RBBP4: variants seen among roughly 807,000 people sequenced by gnomAD.
RBBP4 encodes RB binding protein 4, chromatin remodeling factor.
RBBP4 carries 3 observed loss-of-function variants against 57.2 expected under a neutral mutation model. The ratio of observed to expected loss-of-function variants is 0.05; its 90% CI spans 0.02 to 0.14. RBBP4 has a LOEUF of 0.14. Among genes scored for constraint, RBBP4 ranks in the 10% least tolerant of loss-of-function variants. The probability of loss-of-function intolerance (pLI) is 1.00; values close to 1 mark genes in which losing one functional copy is unlikely to be tolerated. For synonymous variants in RBBP4, 151 were observed against 171.5 expected (o/e 0.88, Z 0.93); for missense variants, 107 against 520.6 (o/e 0.21, Z 7.73).
In RBBP4 at chr1:32,685,977, C is replaced by T. The variant is rs1341164768; in HGVS notation, c.*6272C>T. 1.3e-5 allele frequency: 2 copies of T among 152,186 alleles called. No individual in the cohort carries two copies. Among genetic ancestry groups the T allele is most frequent in the African/African-American group, 2.4e-5 (1 of 41,456 alleles). The allele number at this position is 152,186 out of a possible 1,614,324, so 9.4% of individuals were successfully genotyped here. ...TGACCCCTACCTCCAACTTGAACCT[C>T]TGTTACTCTTCCGTATGAACATTTT... On this transcript the variant is annotated 3_prime_UTR_variant, in exon 12 of 12. Transcript: ENST00000373493.
chr1:32,668,336 C>G lies in RBBP4; in HGVS notation c.422C>G (p.Ala141Gly). 6.2e-7 allele frequency: 1 copy of G among 1,609,690 alleles called. No individual in the cohort carries two copies. The highest frequency in any genetic ancestry group is 8.5e-7 in the Non-Finnish European group (1 of 1,176,028). Residue 141 changes from alanine (A) to glycine (G), a missense_variant, in exon 4 of 12, where the codon GCA becomes GGA. Coordinates refer to ENST00000373493, the MANE Select transcript of RBBP4 (RefSeq NM_005610.3). ...ATGCCCCAGAACCCTTGTATCATCG[C>G]AACAAAGACTCCTTCCAGTGATGTT... ...RYMPQNPCIIATKTPSSDVLV... is the reference protein window; with the variant it reads ...RYMPQNPCIIGTKTPSSDVLV...
Position 32,668,725 on chromosome 1 carries a change from C to T in RBBP4, c.485-14C>T. ...AGTGGACTGGGTAGTCTTGATGTGT[C>T]TGTCACTTTGCAGATCCTTCTGGAG... On this transcript the variant is annotated splice_polypyrimidine_tract_variant and intron_variant, in intron 4 of 11. Transcript: ENST00000373493. 6.2e-7 allele frequency: 1 copy of T among 1,603,834 alleles called. No individual in the cohort carries two copies.
chr1:32,662,901 T>A (rs1648486737), intron 3 of RBBP4, among the ~76,000 whole-genome samples: 1 of 151,944 alleles, frequency 6.6e-6, no homozygotes, highest in African/African-American at 2.4e-5. Context: ...GTAGAATCGC[T>A]TGAACCCAGG....
In RBBP4 at chr1:32,680,585, G is replaced by T. The variant is rs1397402834; in HGVS notation, c.*880G>T. ...CCATTTTGGGTGACCTGTTTCACCA[G>T]CAGGCCTGTTACTCTCCATGACTAA... On this transcript the variant is annotated 3_prime_UTR_variant, in exon 12 of 12. Coordinates refer to ENST00000373493, the MANE Select transcript of RBBP4 (RefSeq NM_005610.3). 2 of 1,482,446 alleles carry T rather than the reference G, an allele frequency of 1.3e-6. No individual in the cohort carries two copies. The highest frequency in any genetic ancestry group is 4.0e-5 in the Admixed American group (2 of 49,836). 91.8% of individuals were successfully genotyped at this position (1,482,446 alleles called of 1,614,324 possible). A position where few individuals can be genotyped will look rare whatever the true frequency, so the allele number is the denominator to read the frequency against.
In RBBP4 at chr1:32,668,329, A is replaced by G. The variant is rs200440779; in HGVS notation, c.415A>G (p.Ile139Val). Residue 139 changes from isoleucine (I) to valine (V), a missense_variant, in exon 4 of 12, where the codon ATC becomes GTC. Ile to Val is a conservative substitution (Grantham distance 29). This residue lies in a region of RBBP4 where 92 missense variants were observed against 408.5 expected (regional missense o/e 0.23). Transcript: ENST00000373493. Reference sequence around the variant, plus strand: ...CCGTTATATGCCCCAGAACCCTTGTATCATCGCAACAAAGACTCCTTCCAG... The same window carrying G: ...CCGTTATATGCCCCAGAACCCTTGTGTCATCGCAACAAAGACTCCTTCCAG... The part of the protein sequence containing the change: ...RARYMPQNPC[I>V]IATKTPSSDV... 28 of 1,610,138 alleles carry G rather than the reference A, an allele frequency of 1.7e-5. No individual in the cohort carries two copies. Among genetic ancestry groups the G allele is most frequent in the Non-Finnish European group, 2.0e-5 (23 of 1,176,376 alleles).
chr1:32,668,280 C>T lies in RBBP4; in HGVS notation c.366C>T (p.Asn122=). 6.2e-7 allele frequency: 1 copy of T among 1,612,786 alleles called. No homozygotes were observed. Among genetic ancestry groups the T allele is most frequent in the Non-Finnish European group, 8.5e-7 (1 of 1,179,038 alleles). Reference sequence around the variant, plus strand: ...AAATTGAAATAGAAATCAAGATCAACCATGAAGGAGAAGTAAACAGGGCCC... The same window carrying T: ...AAATTGAAATAGAAATCAAGATCAATCATGAAGGAGAAGTAAACAGGGCCC... The part of the protein sequence containing the change: ...SGKIEIEIKI[N]HEGEVNRARY... The change falls in exon 4 of 12, where the codon AAC becomes AAT. Residue 122 remains asparagine (N), a synonymous_variant. Transcript: ENST00000373493.
At chr1:32,662,222 A>C (rs970796584) in intron 3 of RBBP4, 2 of 340,978 alleles carry the variant, frequency 5.9e-6, no homozygotes, top group African/African-American at 4.5e-5. Flanking sequence ...TTTTTTTAAC[A>C]AACAGTCTCT....
Position 32,657,407 on chromosome 1 carries a change from A to G in RBBP4, c.165-20A>G, listed in dbSNP as rs1277621111. 1 of 1,606,234 alleles carries G rather than the reference A, an allele frequency of 6.2e-7. No individual in the cohort carries two copies. Among genetic ancestry groups the G allele is most frequent in the Non-Finnish European group, 8.5e-7 (1 of 1,175,754 alleles). On this transcript the variant is annotated intron_variant, in intron 2 of 11. Transcript: ENST00000373493. Reference sequence around the variant, plus strand: ...CCTGATGTTACTAATTTGAACAGTGACTATATATTGCCGTTACAGACCAGA... The same window carrying G: ...CCTGATGTTACTAATTTGAACAGTGGCTATATATTGCCGTTACAGACCAGA...
rs1358889106 is a variant in RBBP4 at position 32,680,576 on chromosome 1, G to C, written c.*871G>C. ...ATGCCATCTCCATTTTGGGTGACCT[G>C]TTTCACCAGCAGGCCTGTTACTCTC... On this transcript the variant is annotated 3_prime_UTR_variant, in exon 12 of 12. Coordinates refer to ENST00000373493, the MANE Select transcript of RBBP4 (RefSeq NM_005610.3). 6.6e-7 allele frequency: 1 copy of C among 1,512,508 alleles called. No individual in the cohort carries two copies. The highest frequency in any genetic ancestry group is 9.0e-7 in the Non-Finnish European group (1 of 1,115,264). The allele number at this position is 1,512,508 out of a possible 1,614,324, so 93.7% of individuals were successfully genotyped here.
In RBBP4 at chr1:32,682,083, T is replaced by C. The variant is rs1357945991; in HGVS notation, c.*2378T>C. On this transcript the variant is annotated 3_prime_UTR_variant, in exon 12 of 12. Transcript: ENST00000373493. ...CTGCTAGGTTAACTTCTTACAGGTATAATTACAATGCCTGAAATTCTGTAG... is the reference window on the plus strand; with the variant it reads ...CTGCTAGGTTAACTTCTTACAGGTACAATTACAATGCCTGAAATTCTGTAG... The C allele has an allele frequency of 3.8e-6, 2 of 529,510 alleles. No homozygotes were observed. The highest frequency in any genetic ancestry group is 5.1e-4 in the Middle Eastern group (1 of 1,966). The allele number at this position is 529,510 out of a possible 1,614,324, so 32.8% of individuals were successfully genotyped here.
chr1:32,679,530 C>G (rs1258345224), intron 11 of RBBP4, 110 bp from the exon 12 acceptor site: 4 of 967,232 alleles, frequency 4.1e-6, no homozygotes, highest in Non-Finnish European at 5.9e-6. Flanking sequence ...TTGTGTGGCC[C>G]AAAAGCTATA....
intron 3 of RBBP4, 85 bp downstream of exon 3, chr1:32,657,657 A>G: frequency 6.9e-7 from 1 of 1,446,784 alleles, no homozygotes; most frequent in Non-Finnish European, 9.4e-7. Context: ...CTGACTTTAG[A>G]AACAATATTT....
chr1:32,667,788 G>C (rs1401444801), intron 3 of RBBP4, among the ~76,000 whole-genome samples: 7 of 152,036 alleles, frequency 4.6e-5, no homozygotes, highest in African/African-American at 1.7e-4. Flanking sequence ...GATACAGCAT[G>C]GCATAATGTT....
At chr1:32,651,582 G>C (rs1327781959) in intron 1 of RBBP4, 2 of 1,009,982 alleles carry the variant, frequency 2.0e-6, no homozygotes, top group Non-Finnish European at 2.7e-6. Flanking sequence ...TCGGTTTCTC[G>C]GCCTCTGTCC....
chr1:32,655,956 G>C (rs1260793232), intron 2 of RBBP4, among the ~76,000 whole-genome samples: 1 of 152,104 alleles, frequency 6.6e-6, no homozygotes, highest in African/African-American at 2.4e-5. Flanking sequence ...AATGGGTCTG[G>C]AGTAGATGTG....
intron 8 of RBBP4, among the ~76,000 whole-genome samples, chr1:32,671,635 G>C (rs1648880048): frequency 6.6e-6 from 1 of 151,644 alleles, no homozygotes; most frequent in Non-Finnish European, 1.5e-5. Flanking sequence ...GAGGCAGCGA[G>C]ATCCCTTGAG....
In RBBP4 at chr1:32,683,735, C is replaced by T. The variant is rs544730096; in HGVS notation, c.*4030C>T. The T allele has an allele frequency of 5.4e-4, 182 of 338,934 alleles. 2 individuals are homozygous for T. Among genetic ancestry groups the T allele is most frequent in the African/African-American group, 3.4e-3 (158 of 46,822 alleles). The allele number at this position is 338,934 out of a possible 1,614,324, so 21.0% of individuals were successfully genotyped here. ...TGCAACCTCTGCCTCCTGGTTCAAG[C>T]GATTCTCCTGCCTTGGCCTCCTGAG... On this transcript the variant is annotated 3_prime_UTR_variant, in exon 12 of 12. Coordinates refer to ENST00000373493, the MANE Select transcript of RBBP4 (RefSeq NM_005610.3).
At chr1:32,653,268 G>A (rs945877226) in intron 2 of RBBP4, among the ~76,000 whole-genome samples, 28 of 152,120 alleles carry the variant, frequency 1.8e-4, no homozygotes, top group African/African-American at 6.0e-4. Flanking sequence ...AAAACAAAGA[G>A]GAGGGTAAAT....
In RBBP4 at chr1:32,657,529, T is replaced by C; in HGVS notation, c.267T>C (p.Asp89=). Residue 89 remains aspartate, a synonymous_variant, in exon 3 of 12, where the codon GAT becomes GAC. Transcript: ENST00000373493. ...LVIASVQLPN[D]DAQFDASHYD... Reference sequence around the variant, plus strand: ...TAGCCAGTGTGCAGCTCCCTAATGATGATGCTCAGTTTGATGCGTCACACT... The same window carrying C: ...TAGCCAGTGTGCAGCTCCCTAATGACGATGCTCAGTTTGATGCGTCACACT... 6.2e-7 allele frequency: 1 copy of C among 1,614,132 alleles called. No homozygotes were observed. Among genetic ancestry groups the C allele is most frequent in the Non-Finnish European group, 8.5e-7 (1 of 1,180,014 alleles).
Sources: gnomAD v4.1 joint callset for allele counts (sites outside exome capture counted in the v4.1 genomes callset) on GRCh38, gnomAD v4.1.1 for gene constraint, gnomAD v4.1.1 regional missense constraint, MANE v1.5 for transcripts, NCBI Gene and HGNC (gene_info 2026-07-23, HGNC 2026-07-21) for gene names.